RASSF2: variants seen among roughly 807,000 people sequenced by gnomAD.
The protein encoded by RASSF2 is ras association domain-containing protein 2.
RASSF2 carries 34 observed loss-of-function variants against 46.3 expected under a neutral mutation model. The ratio of observed to expected loss-of-function variants is 0.73; its 90% confidence interval spans 0.56 to 0.98. The LOEUF (loss-of-function observed/expected upper bound fraction) is 0.98, where lower values mean the gene tolerates loss of function less well. Ranked by LOEUF, RASSF2 falls within the 50% of genes least tolerant of loss-of-function variation. The pLI is 0.00. For missense variants in RASSF2, 364 were observed against 431.2 expected (o/e 0.84, Z 1.38); for synonymous variants, 158 against 162.5 (o/e 0.97, Z 0.21).
At chr20:4,800,566 C>T (rs1926775107) in intron 3 of RASSF2, among the ~76,000 whole-genome samples, 1 of 152,142 alleles carries the variant, frequency 6.6e-6, no homozygotes, top group Non-Finnish European at 1.5e-5. Flanking sequence ...TAGATCTAAT[C>T]ACATCCCAGA....
rs190148485 is a variant in RASSF2, at chr20:4,795,437, C to T, written c.287+378G>A. 5.1e-3 allele frequency: 861 copies of T among 170,254 alleles called. 4 individuals carry two copies. The highest frequency in any genetic ancestry group is 7.5e-3 in the Middle Eastern group (3 of 398). 10.5% of individuals were successfully genotyped at this position (170,254 alleles called of 1,614,324 possible). ...TGGGGCTATTCTATGAGGAGTGGTC[C>T]CAGTGGGGAGGGTGCTGGGGCATGG... is the stretch of plus-strand genomic sequence containing the variant. On this transcript the variant is annotated intron_variant, in intron 5 of 11. Transcript: ENST00000379400. This position sits in a 1 kb window ranked among gnomAD's most constrained non-coding sequence, Gnocchi z 4.0.
rs1925756225 is a variant in RASSF2, at chr20:4,790,273, G to T, written c.537+178C>A. Among the ~76,000 whole-genome samples the T allele has an allele frequency of 6.6e-6, 1 of 152,182 alleles. No homozygotes were observed. Among genetic ancestry groups the T allele is most frequent in the Non-Finnish European group, 1.5e-5 (1 of 68,020 alleles). ...GGGACTTTGAGGCTTCTGACCTGGG[G>T]TCCCTCAGCCCTCAGGAAGCCAGCA... On this transcript the variant is annotated intron_variant, in intron 7 of 11. Transcript: ENST00000379400. This position sits in a 1 kb window ranked among gnomAD's most constrained non-coding sequence, Gnocchi z 4.3.
chr20:4,799,602 G>A (rs1235151830), intron 3 of RASSF2, among the ~76,000 whole-genome samples: 1 of 152,196 alleles, frequency 6.6e-6, no homozygotes, highest in Non-Finnish European at 1.5e-5. Flanking sequence ...TAAATTTGTG[G>A]AAAATGTGAT....
intron 2 of RASSF2, 80 bp from the exon 3 acceptor site, chr20:4,801,142 G>A (rs929100097): frequency 4.7e-6 from 5 of 1,063,962 alleles, no homozygotes; most frequent in Non-Finnish European, 7.1e-6. Flanking sequence ...TGGGGAGGGG[G>A]CACAAAATTG....
At chr20:4,800,120 A>AG (rs1926735619) in intron 3 of RASSF2, among the ~76,000 whole-genome samples, 1 of 152,224 alleles carries the variant, frequency 6.6e-6, no homozygotes, top group East Asian at 1.9e-4. Context: ...TAAAAAAAAA[A>AG]AAAAGAGATA....
intron 3 of RASSF2, among the ~76,000 whole-genome samples, chr20:4,799,036 G>C (rs937770281): frequency 2.0e-5 from 3 of 152,020 alleles, no homozygotes; most frequent in South Asian, 2.1e-4. Context: ...AAAAAGCACA[G>C]ATCATATTCC....
chr20:4,780,103 C>T lies in RASSF2; in HGVS notation c.*4170G>A. 1 of 152,502 alleles carries T rather than the reference C, an allele frequency of 6.6e-6. No homozygotes were observed. The highest frequency in any genetic ancestry group is 2.1e-4 in the South Asian group (1 of 4,830). The allele number at this position is 152,502 out of a possible 1,614,324, so 9.4% of individuals were successfully genotyped here. ...ATCAAAATGTTACAAAAATGTATGG[C>T]TCCCTTGCTGAGGCCCTGTCAGATT... On this transcript the variant is annotated 3_prime_UTR_variant, in exon 12 of 12. Coordinates refer to ENST00000379400, the MANE Select transcript of RASSF2 (RefSeq NM_014737.3).
intron 8 of RASSF2, 34 bp downstream of exon 8, chr20:4,789,562 C>A (rs1049799596): frequency 6.4e-7 from 1 of 1,557,530 alleles, no homozygotes; most frequent in Non-Finnish European, 8.9e-7. Context: ...ACAGCTGTGA[C>A]CCCATCTGTG....
In RASSF2 at chr20:4,790,965, C is replaced by G. The variant is rs1258693528; in HGVS notation, c.377-354G>C. Among the ~76,000 whole-genome samples, 1 of 152,138 alleles carries G rather than the reference C, an allele frequency of 6.6e-6. No homozygotes were observed. Among genetic ancestry groups the G allele is most frequent in the African/African-American group, 2.4e-5 (1 of 41,418 alleles). On this transcript the variant is annotated intron_variant, in intron 6 of 11. Coordinates refer to ENST00000379400, the MANE Select transcript of RASSF2 (RefSeq NM_014737.3). The surrounding 1 kb of genome is among the most constrained non-coding windows in gnomAD (Gnocchi z 4.3). The stretch of plus-strand genomic sequence containing the variant: ...TTTAAATGAGTTAGTATACATAAAG[C>G]ACTTAGAATAGTGCCTGGCACAGGA...
At chr20:4,791,296 T>C (rs535225861) in intron 6 of RASSF2, among the ~76,000 whole-genome samples, 1 of 152,046 alleles carries the variant, frequency 6.6e-6, no homozygotes, top group South Asian at 2.1e-4. Context: ...GGGTACAGAG[T>C]TTCAGTTTCA....
chr20:4,795,779 C>A lies in RASSF2; in HGVS notation c.287+36G>T. 6.3e-7 allele frequency: 1 copy of A among 1,588,358 alleles called. No individual in the cohort carries two copies. ...GAGAACACATAGAACACCCAAGCAT[C>A]CCAGTCATCTCCCTGCCCCGTCTCT... On this transcript the variant is annotated intron_variant, in intron 5 of 11. Transcript: ENST00000379400. The surrounding 1 kb of genome is among the most constrained non-coding windows in gnomAD (Gnocchi z 4.0).
intron 2 of RASSF2, among the ~76,000 whole-genome samples, chr20:4,817,260 T>C (rs193191130): frequency 6.6e-6 from 1 of 152,324 alleles, no homozygotes; most frequent in African/African-American, 2.4e-5. Context: ...GTTATCATTA[T>C]TATAAATAAT....
Position 4,782,066 on chromosome 20 carries a change from C to T in RASSF2, c.*2207G>A, listed in dbSNP as rs901466057. On this transcript the variant is annotated 3_prime_UTR_variant, in exon 12 of 12. Transcript: ENST00000379400. The stretch of plus-strand genomic sequence containing the variant: ...TGGGATCTCCTCTCACTTCCACCTC[C>T]TGACCTCCCATCTTTAAAAAGCTGA... The T allele has an allele frequency of 7.2e-5, 11 of 152,242 alleles. No homozygotes were observed. Among genetic ancestry groups the T allele is most frequent in the Admixed American group, 7.2e-4 (11 of 15,286 alleles). The allele number at this position is 152,242 out of a possible 1,614,324, so 9.4% of individuals were successfully genotyped here. A position where few individuals can be genotyped will look rare whatever the true frequency, so the allele number is the denominator to read the frequency against.
chr20:4,797,921 C>G, intron 4 of RASSF2, 89 bp downstream of exon 4: 1 of 1,560,352 alleles, frequency 6.4e-7, no homozygotes, highest in South Asian at 1.2e-5. Context: ...AGGCAGGGTT[C>G]TCTTGGGACC....
chr20:4,788,847 A>G (rs1030016332), intron 8 of RASSF2, among the ~76,000 whole-genome samples: 1 of 152,242 alleles, frequency 6.6e-6, no homozygotes, highest in African/African-American at 2.4e-5. Flanking sequence ...GCATAGTTCT[A>G]CAAATGTTAA....
chr20:4,804,353 C>CTTTTTTTTT lies in RASSF2; in HGVS notation c.-32-3300_-32-3292dup, dbSNP rs10659167. 2.8e-3 allele frequency among the ~76,000 whole-genome samples: 327 copies of CTTTTTTTTT among 118,644 alleles called. 10 individuals are homozygous for CTTTTTTTTT. Among genetic ancestry groups the CTTTTTTTTT allele is most frequent in the East Asian group, 5.6e-3 (22 of 3,952 alleles). The allele number at this position is 118,644 out of a possible 152,430, so 77.8% of individuals were successfully genotyped here. On this transcript the variant is annotated intron_variant, in intron 2 of 11. Transcript: ENST00000379400. ...AAAGTCGAGCTAGTGAGAAAGCTTT[C>CTTTTTTTTT]TTTTTTTTTTTTTTTTTTTTGTCAC...
chr20:4,785,247 G>C (rs1370164757), intron 11 of RASSF2, among the ~76,000 whole-genome samples: 1 of 152,136 alleles, frequency 6.6e-6, no homozygotes, highest in Non-Finnish European at 1.5e-5. Flanking sequence ...GCTGAGACGG[G>C]AGAATCACTT....
intron 2 of RASSF2, among the ~76,000 whole-genome samples, chr20:4,804,205 T>A (rs1245468179): frequency 6.6e-6 from 1 of 152,104 alleles, no homozygotes; most frequent in Non-Finnish European, 1.5e-5. Context: ...AGTGGGACCC[T>A]GAGAACACAA....
chr20:4,790,326 G>A lies in RASSF2; in HGVS notation c.537+125C>T, dbSNP rs1925760116. On this transcript the variant is annotated intron_variant, in intron 7 of 11. Transcript: ENST00000379400. The surrounding 1 kb of genome is among the most constrained non-coding windows in gnomAD (Gnocchi z 4.3). The stretch of plus-strand genomic sequence containing the variant: ...GCTTGCAGCCCACCCACAACCCAAA[G>A]ACTAAACAGCAGCAAACACTTGGCT... 5 of 1,161,576 alleles carry A rather than the reference G, an allele frequency of 4.3e-6. No individual in the cohort carries two copies. Among genetic ancestry groups the A allele is most frequent in the Non-Finnish European group, 5.7e-6 (5 of 881,474 alleles). 72.0% of individuals were successfully genotyped at this position (1,161,576 alleles called of 1,614,324 possible). A position where few individuals can be genotyped will look rare whatever the true frequency, so the allele number is the denominator to read the frequency against.
Sources: allele counts gnomAD v4.1 joint callset (sites outside exome capture counted in the v4.1 genomes callset), GRCh38; gene constraint gnomAD v4.1.1; non-coding constraint Gnocchi (gnomAD v3.1); transcripts MANE v1.5; gene names NCBI Gene and HGNC (gene_info 2026-07-23, HGNC 2026-07-21).